The following CPVL variants were observed in gnomAD, a reference collection of about 807,000 sequenced individuals.
CPVL encodes the protein carboxypeptidase vitellogenic like.
Under a neutral mutation model 63.7 loss-of-function variants are expected in CPVL, and 51 were observed. That is an observed-to-expected ratio of 0.80 (90% CI 0.64 to 1.01). CPVL has a LOEUF of 1.01. Ranked by LOEUF, CPVL falls within the 50% of genes least tolerant of loss-of-function variation. The pLI, the probability that CPVL is intolerant of heterozygous loss-of-function variation, is 0.00. For missense variants in CPVL, 530 were observed against 573.1 expected (o/e 0.92, Z 0.77); for synonymous variants, 195 against 206.0 (o/e 0.95, Z 0.46).
chr7:29,106,523 A>G (rs897173013), intron 3 of CPVL, among the ~76,000 whole-genome samples: 1 of 152,220 alleles, frequency 6.6e-6, no homozygotes, highest in South Asian at 2.1e-4. Context: ...AAGGCAGGAC[A>G]TAGGCACAGA....
rs1347012830 is a variant in CPVL, at chr7:29,115,125, C to T, written c.170-2303G>A. On this transcript the variant is annotated intron_variant, in intron 2 of 12. Transcript: ENST00000265394. ...TTATGCAAAATATAAATACTGATTCCGCTATCCTGGGCTTTCTGTGAGGAT... is the reference window on the plus strand; with the variant it reads ...TTATGCAAAATATAAATACTGATTCTGCTATCCTGGGCTTTCTGTGAGGAT... Among the ~76,000 whole-genome samples the T allele has an allele frequency of 7.9e-5, 12 of 152,272 alleles. No homozygotes were observed. The East Asian group carries it at 1.4e-3, about 17-fold the overall frequency.
At chr7:29,041,487 A>C (rs1789087222) in intron 11 of CPVL, among the ~76,000 whole-genome samples, 1 of 152,204 alleles carries the variant, frequency 6.6e-6, no homozygotes, top group Admixed American at 6.5e-5. Flanking sequence ...GGTCAGCTTC[A>C]AGGTCACACC....
intron 5 of CPVL, among the ~76,000 whole-genome samples, chr7:29,172,768 T>G (rs1796766855): frequency 6.6e-6 from 1 of 152,194 alleles, no homozygotes; most frequent in African/African-American, 2.4e-5. Context: ...CATTTTAATA[T>G]TATAAAACTT....
At chr7:29,195,262 A>C (rs1223277517) in exon 1 of CPVL, 1 of 405,960 alleles carries the variant, frequency 2.5e-6, no homozygotes, top group Non-Finnish European at 4.4e-6. Flanking sequence ...GCAGCGAGCG[A>C]AAAGCGAAAG....
At chr7:29,065,390 A>T (rs1290175898) in intron 10 of CPVL, among the ~76,000 whole-genome samples, 3 of 152,242 alleles carry the variant, frequency 2.0e-5, no homozygotes, top group African/African-American at 7.2e-5. Flanking sequence ...TTAAAAACAG[A>T]ATGCATTGTC....
chr7:29,153,462 T>G (rs1793894400), intron 5 of CPVL, among the ~76,000 whole-genome samples: 1 of 152,204 alleles, frequency 6.6e-6, no homozygotes, highest in Non-Finnish European at 1.5e-5. Context: ...ACCCCTCTTC[T>G]TCCTTCTTCT....
chr7:29,139,345 T>A (rs992981100), intron 1 of CPVL, among the ~76,000 whole-genome samples: 1 of 152,174 alleles, frequency 6.6e-6, no homozygotes, highest in East Asian at 1.9e-4. Flanking sequence ...CAGCTTGGAA[T>A]GTCTAAGATT....
chr7:29,192,028 C>G (rs2128755394), intron 1 of CPVL: 1 of 151,522 alleles, frequency 6.6e-6, no homozygotes, highest in African/African-American at 2.4e-5. Context: ...CTTTATCAAT[C>G]CAGATGATCA....
At chr7:29,042,908 G>C (rs1318424373) in intron 11 of CPVL, among the ~76,000 whole-genome samples, 2 of 152,210 alleles carry the variant, frequency 1.3e-5, no homozygotes, top group Non-Finnish European at 2.9e-5. Context: ...TCAGGGAGCA[G>C]AGCATTCCGC....
At chr7:29,012,306 T>C (rs1471969449) in intron 12 of CPVL, 3 of 152,222 alleles carry the variant, frequency 2.0e-5, no homozygotes, top group East Asian at 1.9e-4. Context: ...CAGTGCTTGG[T>C]AGTTTTTTCT....
intron 3 of CPVL, among the ~76,000 whole-genome samples, chr7:29,103,195 G>T (rs1427609565): frequency 1.8e-4 from 10 of 55,302 alleles, no homozygotes; most frequent in Admixed American, 2.2e-4. Flanking sequence ...GGGGGGGGGG[G>T]GTGCTAAAAA....
At chr7:29,190,385 G>C (rs772529062) in intron 1 of CPVL, among the ~76,000 whole-genome samples, 31 of 152,304 alleles carry the variant, frequency 2.0e-4, no homozygotes, top group South Asian at 6.2e-4. Flanking sequence ...GTTTAGCACA[G>C]GGAAAGGGAA....
At chr7:29,184,526 A>G (rs1432470349) in exon 4 of CPVL, 2 of 152,172 alleles carry the variant, frequency 1.3e-5, no homozygotes, top group African/African-American at 2.4e-5. Context: ...AACCCCAGGA[A>G]GAGCCAATGT....
chr7:29,141,120 CCTG>C (rs1791824687), intron 1 of CPVL, among the ~76,000 whole-genome samples: 1 of 152,184 alleles, frequency 6.6e-6, no homozygotes, highest in Non-Finnish European at 1.5e-5. Context: ...TTTGAGCTTC[CCTG>C]CTGATCACCT....
intron 3 of CPVL, chr7:29,096,438 C>T: frequency 1.8e-6 from 1 of 557,802 alleles, no homozygotes. Context: ...GTCTTCTTAT[C>T]ATGCAGTCAA....
intron 12 of CPVL, among the ~76,000 whole-genome samples, chr7:28,998,037 C>A (rs1784262475): frequency 1.3e-5 from 2 of 152,266 alleles, no homozygotes; most frequent in Non-Finnish European, 2.9e-5. Flanking sequence ...ACCCAGCATG[C>A]CCACTTTTTA....
chr7:29,171,255 G>C (rs147867691), intron 5 of CPVL, among the ~76,000 whole-genome samples: 1 of 152,070 alleles, frequency 6.6e-6, no homozygotes, highest in Non-Finnish European at 1.5e-5. Context: ...TATTCTTTCT[G>C]CCACATTCCC....
chr7:29,098,489 GC>G (rs1786691183), intron 3 of CPVL, among the ~76,000 whole-genome samples: 2 of 152,312 alleles, frequency 1.3e-5, no homozygotes, highest in Non-Finnish European at 2.9e-5. Context: ...CATAATTAAA[GC>G]CCTTCGAACA....
At chr7:29,048,489 C>T (rs1367044045) in intron 11 of CPVL, among the ~76,000 whole-genome samples, 1 of 151,796 alleles carries the variant, frequency 6.6e-6, no homozygotes, top group Non-Finnish European at 1.5e-5. Flanking sequence ...CAGTCAAAGG[C>T]CTAAACACAT....
Sources: gnomAD v4.1 joint callset for allele counts (sites outside exome capture counted in the v4.1 genomes callset) on GRCh38, gnomAD v4.1.1 for gene constraint, MANE v1.5 for transcripts, NCBI Gene and HGNC (gene_info 2026-07-23, HGNC 2026-07-21) for gene names.